The following TNNI3K variants were observed in gnomAD, a reference collection of about 807,000 sequenced individuals.
TNNI3K encodes TNNI3 interacting kinase, also known as serine/threonine-protein kinase TNNI3K.
Under a neutral mutation model 114.5 loss-of-function variants are expected in TNNI3K, and 140 were observed. That is an observed-to-expected ratio of 1.22 (90% CI 1.07 to 1.41). The LOEUF (loss-of-function observed/expected upper bound fraction) is 1.41. TNNI3K is among the 40% of genes most tolerant of loss of function. The probability of loss-of-function intolerance (pLI) is 0.00; values close to 1 mark genes in which losing one functional copy is unlikely to be tolerated. For synonymous variants in TNNI3K, 347 were observed against 347.5 expected (o/e 1.00, Z 0.02); for missense variants, 1,125 against 1,007.6 (o/e 1.12, Z -1.58).
chr1:74,391,957 ATTTT>A (rs34656417), intron 17 of TNNI3K, among the ~76,000 whole-genome samples: 5 of 93,040 alleles, frequency 5.4e-5, no homozygotes, highest in Admixed American at 1.2e-4. Context: ...ACAGCTTATT[ATTTT>A]TTTTTTTTTT....
At chr1:74,518,006 T>C (rs1646373232) in intron 23 of TNNI3K, among the ~76,000 whole-genome samples, 1 of 152,126 alleles carries the variant, frequency 6.6e-6, no homozygotes. Context: ...CGGTGGGAAG[T>C]CATTCAAAGT....
intron 23 of TNNI3K, among the ~76,000 whole-genome samples, chr1:74,519,094 CAT>C: frequency 1.1e-5 from 1 of 93,448 alleles, no homozygotes; most frequent in Non-Finnish European, 1.9e-5. Flanking sequence ...CATGTGATCT[CAT>C]TGTTCAATTC....
At chr1:74,320,627 T>C (rs1659556288) in intron 5 of TNNI3K, among the ~76,000 whole-genome samples, 1 of 152,226 alleles carries the variant, frequency 6.6e-6, no homozygotes, top group Admixed American at 6.5e-5. Flanking sequence ...TAATTGTTAA[T>C]GTTGTCTTTT....
intron 20 of TNNI3K, among the ~76,000 whole-genome samples, chr1:74,451,683 T>TTTTCTTTTCTTTTCTTTTCCTTTC (rs1553148031): frequency 3.9e-5 from 3 of 76,284 alleles, no homozygotes; most frequent in Non-Finnish European, 5.6e-5. Context: ...TTTTCTTTTC[T>TTTTCTTTTCTTTTCTTTTCCTTTC]TTTCTTTCTT....
At chr1:74,446,248 G>A (rs1355213715) in intron 20 of TNNI3K, among the ~76,000 whole-genome samples, 1 of 151,260 alleles carries the variant, frequency 6.6e-6, no homozygotes, top group Non-Finnish European at 1.5e-5. Flanking sequence ...GGTGTGAGAT[G>A]GTATCTCATA....
intron 5 of TNNI3K, among the ~76,000 whole-genome samples, chr1:74,280,737 T>C (rs1448392772): frequency 6.6e-6 from 1 of 152,090 alleles, no homozygotes; most frequent in Non-Finnish European, 1.5e-5. Flanking sequence ...CTGAAAAAAT[T>C]TGAAAGACAG....
chr1:74,282,589 C>G (rs895445420), intron 5 of TNNI3K, among the ~76,000 whole-genome samples: 6 of 152,058 alleles, frequency 3.9e-5, no homozygotes, highest in African/African-American at 1.4e-4. Flanking sequence ...TAGTCACATC[C>G]TGAGGTATTA....
intron 5 of TNNI3K, among the ~76,000 whole-genome samples, chr1:74,321,706 ATCT>A (rs1173140734): frequency 3.9e-5 from 6 of 151,984 alleles, no homozygotes; most frequent in African/African-American, 1.4e-4. Flanking sequence ...TTGTGGAATC[ATCT>A]TCTGTGTAAT....
chr1:74,478,660 C>T (rs946626680), intron 21 of TNNI3K, among the ~76,000 whole-genome samples: 10 of 152,162 alleles, frequency 6.6e-5, no homozygotes, highest in African/African-American at 1.7e-4. Context: ...TGAAAGGTTA[C>T]GAGAAGTGCT....
chr1:74,296,233 G>A (rs1240703394), intron 5 of TNNI3K, among the ~76,000 whole-genome samples: 1 of 150,488 alleles, frequency 6.6e-6, no homozygotes, highest in Non-Finnish European at 1.5e-5. Context: ...CGGAGATCGC[G>A]CCACTGTGCT....
At chr1:74,530,905 T>C (rs1308742581) in intron 23 of TNNI3K, among the ~76,000 whole-genome samples, 1 of 152,166 alleles carries the variant, frequency 6.6e-6, no homozygotes, top group Non-Finnish European at 1.5e-5. Flanking sequence ...GGTAGTGTTG[T>C]TAGGTTACTG....
At chr1:74,430,093 A>T (rs1665821007) in intron 17 of TNNI3K, among the ~76,000 whole-genome samples, 1 of 152,114 alleles carries the variant, frequency 6.6e-6, no homozygotes. Context: ...ATGGTAGTGG[A>T]GTGAAAGTAG....
At chr1:74,307,860 G>A (rs983471344) in intron 5 of TNNI3K, among the ~76,000 whole-genome samples, 36 of 152,136 alleles carry the variant, frequency 2.4e-4, no homozygotes, top group African/African-American at 7.7e-4. Context: ...CTACTCGGAA[G>A]GTTGAGGCCG....
At chr1:74,529,111 A>C (rs1646546668) in intron 23 of TNNI3K, among the ~76,000 whole-genome samples, 1 of 152,232 alleles carries the variant, frequency 6.6e-6, no homozygotes. Flanking sequence ...AGTAAATAAA[A>C]TTTGGCTGAG....
At chr1:74,491,641 G>A (rs274604) in intron 22 of TNNI3K, among the ~76,000 whole-genome samples, 70,831 of 151,904 alleles carry the variant, frequency 0.47, 17,573 homozygotes, top group East Asian at 0.67. Context: ...AGCATTTTTC[G>A]TCTTATAAAA....
In TNNI3K at chr1:74,483,070, A is replaced by G. The variant is rs3765677; in HGVS notation, c.2122-6119A>G. ...CTCAGTTACCTCTGAAGGTCTTTAA[A>G]TAGTTTTGATTGAGACCATCAGGAA... is the stretch of plus-strand genomic sequence containing the variant. On this transcript the variant is annotated intron_variant, in intron 21 of 24. Transcript: ENST00000326637. Among the ~76,000 whole-genome samples, 617 of 152,324 alleles carry G rather than the reference A, an allele frequency of 4.1e-3. 28 individuals carry two copies. The East Asian group carries it at 0.1, about 25-fold the overall frequency.
intron 21 of TNNI3K, among the ~76,000 whole-genome samples, chr1:74,476,046 A>G (rs1668190201): frequency 6.6e-6 from 1 of 152,130 alleles, no homozygotes; most frequent in Non-Finnish European, 1.5e-5. Flanking sequence ...CACCATCTGG[A>G]ATCTCTTTGG....
intron 5 of TNNI3K, among the ~76,000 whole-genome samples, chr1:74,307,465 A>G (rs1015973805): frequency 6.6e-6 from 1 of 152,178 alleles, no homozygotes; most frequent in Non-Finnish European, 1.5e-5. Context: ...ATGAAAAATG[A>G]AAAAAGAGCA....
intron 11 of TNNI3K, chr1:74,366,556 CA>C (rs1451938196): frequency 1.3e-5 from 2 of 151,940 alleles, no homozygotes; most frequent in Non-Finnish European, 2.9e-5. Flanking sequence ...ATCTAGCCAG[CA>C]AATGGGAAGA....
Sources: gnomAD v4.1 joint callset for allele counts (sites outside exome capture counted in the v4.1 genomes callset) on GRCh38, gnomAD v4.1.1 for gene constraint, MANE v1.5 for transcripts, NCBI Gene and HGNC (gene_info 2026-07-23, HGNC 2026-07-21) for gene names.